EXD2: variants seen among roughly 807,000 people sequenced by gnomAD.
EXD2 encodes the protein exonuclease 3'-5' domain containing 2.
In EXD2, 40 loss-of-function variants were observed where a neutral mutation model predicts 62.5. That is an observed-to-expected ratio of 0.64 (90% CI 0.50 to 0.83). EXD2 has a LOEUF of 0.83. Among genes scored for constraint, EXD2 ranks in the 40% least tolerant of loss-of-function variants. The pLI is 0.00. For synonymous variants in EXD2, 239 were observed against 291.9 expected (o/e 0.82, Z 1.85); for missense variants, 671 against 761.8 (o/e 0.88, Z 1.40).
chr14:69,214,463 T>C (rs1297168851), intron 3 of EXD2, among the ~76,000 whole-genome samples: 1 of 152,242 alleles, frequency 6.6e-6, no homozygotes, highest in Admixed American at 6.5e-5. Context: ...TTTATTTGGC[T>C]TTGTCTAATC....
intron 1 of EXD2, among the ~76,000 whole-genome samples, chr14:69,199,599 ATT>A (rs60683799): frequency 4.0e-5 from 6 of 148,466 alleles, no homozygotes; most frequent in Non-Finnish European, 6.0e-5. Flanking sequence ...TCAACTTAAA[ATT>A]TTTTTTTTTT....
chr14:69,209,636 C>A lies in EXD2; in HGVS notation c.166C>A (p.Pro56Thr), dbSNP rs762841088. The stretch of plus-strand genomic sequence containing the variant: ...GCTGGGCAGTAGAGAGCTGCCCCCT[C>A]CAGAAGATGATCAGCTGCACTCCAG... Reference protein sequence around the residue: ...KVLGSRELPPPEDDQLHSSAP... With the variant: ...KVLGSRELPPTEDDQLHSSAP... The change falls in exon 3 of 10, where the codon CCA (proline) becomes ACA (threonine). Residue 56 changes from proline (P) to threonine (T), a missense_variant. Coordinates refer to ENST00000685843, the MANE Select transcript of EXD2 (RefSeq NM_001193360.2). The A allele has an allele frequency of 1.3e-6, 2 of 1,550,496 alleles. No homozygotes were observed. Among genetic ancestry groups the A allele is most frequent in the South Asian group, 2.4e-5 (2 of 84,060 alleles).
intron 5 of EXD2, among the ~76,000 whole-genome samples, chr14:69,233,765 T>G (rs2043673371): frequency 7.4e-6 from 1 of 135,810 alleles, no homozygotes; most frequent in Admixed American, 7.3e-5. Context: ...ACCACGCTAC[T>G]TTTTTTTTTT....
chr14:69,225,738 G>T (rs1208247766), intron 3 of EXD2, among the ~76,000 whole-genome samples: 1 of 152,050 alleles, frequency 6.6e-6, no homozygotes, highest in Non-Finnish European at 1.5e-5. Context: ...AGGGCAAAAA[G>T]ACATTAGAAA....
chr14:69,213,135 A>C (rs1204508899), intron 3 of EXD2, among the ~76,000 whole-genome samples: 1 of 146,154 alleles, frequency 6.8e-6, no homozygotes, highest in African/African-American at 2.5e-5. Flanking sequence ...CCAGGCTGGA[A>C]TGCAGTTGTG....
At chr14:69,216,901 A>G (rs192425669) in intron 3 of EXD2, among the ~76,000 whole-genome samples, 47 of 152,284 alleles carry the variant, frequency 3.1e-4, no homozygotes, top group Admixed American at 2.1e-3. Flanking sequence ...ATCATTAACT[A>G]TAGTCACCAT....
At chr14:69,232,276 A>G (rs777192265) in intron 5 of EXD2, among the ~76,000 whole-genome samples, 1 of 152,146 alleles carries the variant, frequency 6.6e-6, no homozygotes, top group Non-Finnish European at 1.5e-5. Flanking sequence ...AGTGTTCTCT[A>G]TAGAGATTTC....
At chr14:69,222,713 T>C (rs1417164036) in intron 3 of EXD2, among the ~76,000 whole-genome samples, 1 of 151,688 alleles carries the variant, frequency 6.6e-6, no homozygotes, top group Non-Finnish European at 1.5e-5. Context: ...TTTTTTTTAA[T>C]ACATAGGAAT....
chr14:69,201,425 G>A (rs1255043253), intron 1 of EXD2, among the ~76,000 whole-genome samples: 1 of 151,990 alleles, frequency 6.6e-6, no homozygotes, highest in Non-Finnish European at 1.5e-5. Context: ...CTGATCTCAG[G>A]TGATCCTCCC....
chr14:69,210,122 GTACC>G, intron 3 of EXD2: 1 of 198,084 alleles, frequency 5.0e-6, no homozygotes, highest in East Asian at 1.2e-4. Flanking sequence ...GAACGTCATG[GTACC>G]TACCTCCAGT....
chr14:69,240,826 C>A, intron 9 of EXD2, 58 bp from the exon 10 acceptor site: 1 of 1,492,576 alleles, frequency 6.7e-7, no homozygotes, highest in Non-Finnish European at 9.2e-7. Context: ...TTGAAGCTGT[C>A]TGTGAGGCCA....
Position 69,212,699 on chromosome 14 carries a change from A to AT in EXD2, c.333+2922dup, listed in dbSNP as rs71102635. ...TGTCACTTGGTTCCAATGGTTCTTG[A>AT]TTTTTTTTTTTTTTTTTTTTTTTTT... On this transcript the variant is annotated intron_variant, in intron 3 of 9. Coordinates refer to ENST00000685843, the MANE Select transcript of EXD2 (RefSeq NM_001193360.2). 1.7e-3 allele frequency among the ~76,000 whole-genome samples: 99 copies of AT among 57,320 alleles called. 6 individuals are homozygous for AT. The highest frequency in any genetic ancestry group is 2.6e-3 in the African/African-American group (33 of 12,746). 37.6% of individuals were successfully genotyped at this position (57,320 alleles called of 152,430 possible). A position where few individuals can be genotyped will look rare whatever the true frequency, so the allele number is the denominator to read the frequency against.
intron 3 of EXD2, among the ~76,000 whole-genome samples, chr14:69,227,250 T>C (rs2043395814): frequency 6.6e-6 from 1 of 152,148 alleles, no homozygotes; most frequent in Non-Finnish European, 1.5e-5. Flanking sequence ...GCCAAATGTC[T>C]CTTGGGGTAC....
In EXD2 at chr14:69,209,799, A is replaced by G; in HGVS notation, c.329A>G (p.Glu110Gly). The G allele has an allele frequency of 1.5e-6, 2 of 1,294,224 alleles. No individual in the cohort carries two copies. Among genetic ancestry groups the G allele is most frequent in the South Asian group, 1.6e-5 (1 of 64,076 alleles). The allele number at this position is 1,294,224 out of a possible 1,614,324, so 80.2% of individuals were successfully genotyped here. Residue 110 changes from glutamate to glycine, a missense_variant, in exon 3 of 10, where the codon GAG (glutamate) becomes GGG (glycine). Transcript: ENST00000685843. ...TTTCCAGTACTTGGAATTGACTGTGAGTGGGTAAGTTAAAAAGCAAAAGTT... is the reference window on the plus strand; with the variant it reads ...TTTCCAGTACTTGGAATTGACTGTGGGTGGGTAAGTTAAAAAGCAAAAGTT... ...EDFPVLGIDC[E>G]WVNLEGKASP...
intron 1 of EXD2, among the ~76,000 whole-genome samples, chr14:69,193,131 T>G (rs1413477950): frequency 6.6e-6 from 1 of 151,324 alleles, no homozygotes; most frequent in Admixed American, 6.6e-5. Flanking sequence ...TGATCTCAGC[T>G]CACTGCAGCC....
At chr14:69,207,521 G>A (rs1002332875) in intron 2 of EXD2, among the ~76,000 whole-genome samples, 1 of 152,058 alleles carries the variant, frequency 6.6e-6, no homozygotes, top group Non-Finnish European at 1.5e-5. Flanking sequence ...AGTTATTGAT[G>A]AAACTTTTAA....
chr14:69,224,719 G>A (rs1256713278), intron 3 of EXD2, among the ~76,000 whole-genome samples: 2 of 152,148 alleles, frequency 1.3e-5, no homozygotes, highest in Non-Finnish European at 2.9e-5. Flanking sequence ...AGTGGCTCAT[G>A]CCTGTAATCC....
chr14:69,221,905 C>T, intron 3 of EXD2, among the ~76,000 whole-genome samples: 1 of 79,012 alleles, frequency 1.3e-5, no homozygotes, highest in African/African-American at 4.5e-5. Flanking sequence ...AACCCTGTCT[C>T]TACTAAAAAA....
intron 3 of EXD2, among the ~76,000 whole-genome samples, chr14:69,217,846 A>G (rs2043037657): frequency 6.6e-6 from 1 of 152,180 alleles, no homozygotes; most frequent in African/African-American, 2.4e-5. Flanking sequence ...AACTTCATCT[A>G]TGTCCCTACA....
Sources: gnomAD v4.1 joint callset for allele counts (sites outside exome capture counted in the v4.1 genomes callset) on GRCh38, gnomAD v4.1.1 for gene constraint, MANE v1.5 for transcripts, NCBI Gene and HGNC (gene_info 2026-07-23, HGNC 2026-07-21) for gene names.